The following TMEM178B variants were observed in gnomAD, a reference collection of about 807,000 sequenced individuals.
TMEM178B encodes transmembrane protein 178B.
In TMEM178B, 5 loss-of-function variants were observed where a neutral mutation model predicts 31.0. That is an observed-to-expected ratio of 0.16 (90% CI 0.08 to 0.34). TMEM178B has a LOEUF of 0.34. Among genes scored for constraint, TMEM178B ranks in the 10% least tolerant of loss-of-function variants. The probability of loss-of-function intolerance (pLI) is 1.00; values close to 1 mark genes in which losing one functional copy is unlikely to be tolerated. For synonymous variants in TMEM178B, 164 were observed against 164.0 expected (o/e 1.00, Z 0.00); for missense variants, 275 against 400.3 (o/e 0.69, Z 2.67).
chr7:141,309,219 A>G (rs1284896927), intron 2 of TMEM178B, among the ~76,000 whole-genome samples: 1 of 152,208 alleles, frequency 6.6e-6, no homozygotes, highest in Non-Finnish European at 1.5e-5. Context: ...AAAGCTTTGT[A>G]TGGTGTATCT....
At position 141,409,638 on chromosome 7, in the gene TMEM178B, CT is replaced by C. The variant is rs1792320391; in HGVS notation, c.497-27969del. Among the ~76,000 whole-genome samples, 4 of 152,002 alleles carry C rather than the reference CT, an allele frequency of 2.6e-5. No homozygotes were observed. In the South Asian group the frequency reaches 8.3e-4, roughly 32 times the overall value. On this transcript the variant is annotated intron_variant, in intron 2 of 3. Coordinates refer to ENST00000565468, the MANE Select transcript of TMEM178B (RefSeq NM_001195278.2). ...TGAATATTTTTGTTTCATCTCTGGT[CT>C]CTGTAATTAGCCTGCTTTCTTCAAG...
intron 1 of TMEM178B, among the ~76,000 whole-genome samples, chr7:141,179,110 A>C (rs560205115): frequency 2.0e-5 from 3 of 152,320 alleles, no homozygotes; most frequent in Admixed American, 6.5e-5. Flanking sequence ...CTTGACATCA[A>C]ACTGGAAACC....
chr7:141,133,571 A>G (rs1426034829), intron 1 of TMEM178B, among the ~76,000 whole-genome samples: 1 of 152,182 alleles, frequency 6.6e-6, no homozygotes, highest in East Asian at 1.9e-4. Flanking sequence ...AGAATAAAGG[A>G]AGCCTATATT....
At chr7:141,380,326 C>T (rs1416637417) in intron 2 of TMEM178B, among the ~76,000 whole-genome samples, 1 of 152,124 alleles carries the variant, frequency 6.6e-6, no homozygotes, top group African/African-American at 2.4e-5. Context: ...TGAAGACCTT[C>T]CTAATTGAAT....
At position 141,225,119 on chromosome 7, in the gene TMEM178B, C is replaced by A. The variant is rs550605383; in HGVS notation, c.496+12415C>A. ...TGGAATTGAGACAAGAGATCTAATA[C>A]TTCCCCCAGAGCTACAAGAAGAGGC... On this transcript the variant is annotated intron_variant, in intron 2 of 3. Coordinates refer to ENST00000565468, the MANE Select transcript of TMEM178B (RefSeq NM_001195278.2). 1.6e-3 allele frequency among the ~76,000 whole-genome samples: 251 copies of A among 152,176 alleles called. 1 individual carries two copies. The highest frequency in any genetic ancestry group is 3.2e-3 in the Non-Finnish European group (217 of 68,042).
chr7:141,228,201 A>C (rs965723019), intron 2 of TMEM178B, among the ~76,000 whole-genome samples: 4 of 152,190 alleles, frequency 2.6e-5, no homozygotes, highest in African/African-American at 4.8e-5. Flanking sequence ...TCATTAATCC[A>C]TAAAAATAGT....
At chr7:141,450,983 C>T (rs1039872660) in intron 3 of TMEM178B, among the ~76,000 whole-genome samples, 6 of 152,130 alleles carry the variant, frequency 3.9e-5, no homozygotes, top group African/African-American at 7.2e-5. Flanking sequence ...ATGCCACCTG[C>T]GGTAAAGGGA....
intron 1 of TMEM178B, among the ~76,000 whole-genome samples, chr7:141,083,964 C>T (rs933425832): frequency 6.6e-6 from 1 of 151,962 alleles, no homozygotes; most frequent in African/African-American, 2.4e-5. Context: ...GCCGCCATGC[C>T]TGGCTAATTT....
chr7:141,493,395 A>G, the TMEM178B span, among the ~76,000 whole-genome samples: 2 of 152,154 alleles, frequency 1.3e-5, no homozygotes, highest in Non-Finnish European at 2.9e-5. Context: ...ACCTCTTCAA[A>G]CCTTGAGGAC....
rs1346591624 is a variant in TMEM178B, at chr7:141,138,676, T to TA, written c.382+63985dup. Among the ~76,000 whole-genome samples the TA allele has an allele frequency of 2.6e-5, 4 of 151,856 alleles. No individual in the cohort carries two copies. The South Asian group carries it at 8.3e-4, about 32-fold the overall frequency. On this transcript the variant is annotated intron_variant, in intron 1 of 3. Coordinates refer to ENST00000565468, the MANE Select transcript of TMEM178B (RefSeq NM_001195278.2). ...CAGTCAAGCTGTTAAAGATAAGACT[T>TA]ACAGGTTGAAAGTATAAAAGTGGTG...
Position 141,218,117 on chromosome 7 carries a change from G to A in TMEM178B, c.496+5413G>A, listed in dbSNP as rs561521375. Among the ~76,000 whole-genome samples, 25 of 151,846 alleles carry A rather than the reference G, an allele frequency of 1.6e-4. No homozygotes were observed. In the South Asian group the frequency reaches 4.8e-3, roughly 29 times the overall value. ...ACACACAGACACGAGCTCACTCATC[G>A]GCCCTGTGGCTGTTGCCTCAGGCAA... On this transcript the variant is annotated intron_variant, in intron 2 of 3. Coordinates refer to ENST00000565468, the MANE Select transcript of TMEM178B (RefSeq NM_001195278.2).
intron 2 of TMEM178B, among the ~76,000 whole-genome samples, chr7:141,341,989 T>C (rs951400408): frequency 3.3e-5 from 5 of 152,178 alleles, no homozygotes; most frequent in Non-Finnish European, 7.4e-5. Flanking sequence ...ATTCTGTCAC[T>C]CAGGCCGGAG....
intron 1 of TMEM178B, among the ~76,000 whole-genome samples, chr7:141,205,523 C>T (rs776817829): frequency 1.3e-5 from 2 of 152,212 alleles, no homozygotes; most frequent in African/African-American, 2.4e-5. Context: ...CTGAGGGGCC[C>T]TCCCTCTGGA....
intron 1 of TMEM178B, among the ~76,000 whole-genome samples, chr7:141,131,997 G>A (rs1342801101): frequency 6.6e-6 from 1 of 152,060 alleles, no homozygotes; most frequent in African/African-American, 2.4e-5. Flanking sequence ...AGTTCTGTTT[G>A]TACACGCACT....
At chr7:141,320,181 T>A (rs1273960578) in intron 2 of TMEM178B, among the ~76,000 whole-genome samples, 1 of 152,182 alleles carries the variant, frequency 6.6e-6, no homozygotes, top group Non-Finnish European at 1.5e-5. Flanking sequence ...CCACCATGAT[T>A]GTAAGTTTCC....
chr7:141,144,240 C>T (rs1163614722), intron 1 of TMEM178B, among the ~76,000 whole-genome samples: 1 of 152,112 alleles, frequency 6.6e-6, no homozygotes, highest in Non-Finnish European at 1.5e-5. Context: ...CTGGTTAGGG[C>T]TTCCATAACT....
chr7:141,142,078 T>A (rs1052293666), intron 1 of TMEM178B, among the ~76,000 whole-genome samples: 1 of 152,222 alleles, frequency 6.6e-6, no homozygotes, highest in African/African-American at 2.4e-5. Context: ...GTCTCCAATG[T>A]CTATTGTTGC....
intron 1 of TMEM178B, among the ~76,000 whole-genome samples, chr7:141,185,307 G>A (rs1796592353): frequency 6.6e-6 from 1 of 152,202 alleles, no homozygotes. Context: ...TGTACTGGAA[G>A]AATCAGATCA....
At chr7:141,090,242 A>G (rs927660628) in intron 1 of TMEM178B, among the ~76,000 whole-genome samples, 16 of 126,896 alleles carry the variant, frequency 1.3e-4, no homozygotes, top group African/African-American at 1.3e-4. Flanking sequence ...CTGGAGTGCA[A>G]TGGTGCAATC....
Sources: gnomAD v4.1 joint callset for allele counts (sites outside exome capture counted in the v4.1 genomes callset) on GRCh38, gnomAD v4.1.1 for gene constraint, MANE v1.5 for transcripts, NCBI Gene and HGNC (gene_info 2026-07-23, HGNC 2026-07-21) for gene names.